TANC2: variants seen among roughly 807,000 people sequenced by gnomAD.
TANC2 encodes protein TANC2.
Under a neutral mutation model 210.5 loss-of-function variants are expected in TANC2, and 26 were observed. The ratio of observed to expected loss-of-function variants is 0.12; its 90% confidence interval spans 0.09 to 0.17. TANC2 has a LOEUF of 0.17. TANC2 is among the 10% of genes least tolerant of loss of function. The pLI is 1.00. For synonymous variants in TANC2, 931 were observed against 967.1 expected, an observed-to-expected ratio of 0.96 and a Z score of 0.69; for missense variants, 2,129 against 2,608.9, an observed-to-expected ratio of 0.82 and a Z score of 4.01.
At chr17:63,235,764 TAAG>T (rs895027709) in intron 7 of TANC2, among the ~76,000 whole-genome samples, 1 of 132,262 alleles carries the variant, frequency 7.6e-6, no homozygotes, top group Admixed American at 6.9e-5. Context: ...ATTCAAAATA[TAAG>T]AAGAGAAAAT....
At chr17:63,061,801 C>G (rs1011508556) in intron 2 of TANC2, among the ~76,000 whole-genome samples, 1 of 151,994 alleles carries the variant, frequency 6.6e-6, no homozygotes, top group Non-Finnish European at 1.5e-5. Context: ...CCTTTTTAAT[C>G]CCTTTCTTCT....
At chr17:63,252,919 A>G (rs921388146) in intron 8 of TANC2, among the ~76,000 whole-genome samples, 10 of 152,094 alleles carry the variant, frequency 6.6e-5, no homozygotes, top group Non-Finnish European at 1.3e-4. Flanking sequence ...AATCTTGGCT[A>G]TCCTGAATAG....
In TANC2 at chr17:63,412,698, G is replaced by A. The variant is rs2147351250; in HGVS notation, c.3917G>A (p.Ser1306Asn). ...TTTGAAGGTTGTCAGACGTTACCGA[G>A]TCGCCCACGAGGTATATTTCACCGC... Residue 1306 changes from serine to asparagine, a missense_variant, in exon 24 of 28, where the codon AGT (serine) becomes AAT (asparagine). Ser to Asn is a conservative substitution (Grantham distance 46). Coordinates refer to ENST00000689528, the Ensembl canonical transcript of TANC2. This position sits in a 1 kb window ranked among gnomAD's most constrained non-coding sequence, Gnocchi z 4.2. 6.5e-7 allele frequency: 1 copy of A among 1,534,334 alleles called. No homozygotes were observed. The highest frequency in any genetic ancestry group is 1.4e-5 in the African/African-American group (1 of 72,410).
At chr17:63,025,366 T>A (rs1385242410) in intron 2 of TANC2, among the ~76,000 whole-genome samples, 1 of 152,210 alleles carries the variant, frequency 6.6e-6, no homozygotes, top group East Asian at 1.9e-4. Flanking sequence ...GGACGCCTTC[T>A]TCATTTTTAC....
At chr17:63,337,423 C>CT (rs147507381) in intron 11 of TANC2, among the ~76,000 whole-genome samples, 4,841 of 151,986 alleles carry the variant, frequency 0.032, 300 homozygotes, top group African/African-American at 0.11. Flanking sequence ...ATCTTGAACT[C>CT]TATTAATTCT....
intron 15 of TANC2, among the ~76,000 whole-genome samples, chr17:63,383,833 C>T (rs906439802): frequency 2.0e-5 from 3 of 152,160 alleles, no homozygotes; most frequent in Admixed American, 6.5e-5. Flanking sequence ...CCGGCAGCGA[C>T]TGATCAGTAG....
At chr17:63,238,060 G>C in exon 8 of TANC2, 1 of 1,534,700 alleles carries the variant, frequency 6.5e-7, no homozygotes, top group East Asian at 2.5e-5. Context: ...CTCATGCCAC[G>C]GCCAAATTCA....
chr17:63,412,597 C>G lies in TANC2; in HGVS notation c.3899-83C>G. 7.4e-7 allele frequency: 1 copy of G among 1,356,124 alleles called. No homozygotes were observed. The highest frequency in any genetic ancestry group is 2.5e-5 in the East Asian group (1 of 40,034). The allele number at this position is 1,356,124 out of a possible 1,614,324, so 84.0% of individuals were successfully genotyped here. On this transcript the variant is annotated intron_variant, in intron 23 of 27. Coordinates refer to ENST00000689528, the Ensembl canonical transcript of TANC2. This position sits in a 1 kb window ranked among gnomAD's most constrained non-coding sequence, Gnocchi z 4.2. ...TTGTGCTGCCTGCCTCTCACTGCTG[C>G]TTTTTCCTTCTTTTTTTTTTTTTCA...
At chr17:63,099,319 C>T in exon 4 of TANC2, 1 of 1,555,474 alleles carries the variant, frequency 6.4e-7, no homozygotes, top group Non-Finnish European at 8.7e-7. Flanking sequence ...ACACATCAGT[C>T]TATCAGTGTT....
chr17:63,334,859 C>T (rs1460605257), intron 11 of TANC2, among the ~76,000 whole-genome samples: 2 of 152,172 alleles, frequency 1.3e-5, no homozygotes, highest in East Asian at 3.9e-4. Context: ...ATGAGCATGG[C>T]ATGTGTCCAG....
intron 2 of TANC2, among the ~76,000 whole-genome samples, chr17:63,015,605 A>C (rs2143915972): frequency 6.6e-6 from 1 of 152,172 alleles, no homozygotes; most frequent in East Asian, 1.9e-4. Flanking sequence ...TGCTTGAAAT[A>C]AGATAAATTT....
intron 9 of TANC2, among the ~76,000 whole-genome samples, chr17:63,288,738 A>T (rs1022305801): frequency 8.7e-5 from 13 of 149,768 alleles, no homozygotes; most frequent in African/African-American, 2.7e-4. Flanking sequence ...AATTCAGAAT[A>T]AAAAAAAAAT....
intron 8 of TANC2, among the ~76,000 whole-genome samples, chr17:63,253,470 T>C (rs141887839): frequency 3.4e-4 from 52 of 152,350 alleles, no homozygotes; most frequent in Admixed American, 1.2e-3. Context: ...TCATTTTTGT[T>C]TGGGCTGCCT....
intron 12 of TANC2, among the ~76,000 whole-genome samples, chr17:63,342,573 A>C (rs935268369): frequency 6.6e-6 from 1 of 152,080 alleles, no homozygotes; most frequent in African/African-American, 2.4e-5. Context: ...TCAGGAGATC[A>C]AGACCATCCT....
chr17:63,044,214 AATATATAGACCAG>A (rs1274125565), intron 2 of TANC2, among the ~76,000 whole-genome samples: 2 of 152,300 alleles, frequency 1.3e-5, no homozygotes, highest in East Asian at 3.9e-4. Context: ...AGATATAGAT[AATATATAGACCAG>A]ACAGATTTAG....
intron 2 of TANC2, among the ~76,000 whole-genome samples, chr17:63,041,919 G>A (rs952490358): frequency 1.3e-5 from 2 of 152,070 alleles, no homozygotes; most frequent in African/African-American, 4.8e-5. Context: ...GCTTGGTGAG[G>A]GCACATTGTT....
chr17:63,170,737 GT>G (rs2040376755), intron 5 of TANC2, among the ~76,000 whole-genome samples: 1 of 152,110 alleles, frequency 6.6e-6, no homozygotes, highest in Admixed American at 6.6e-5. Flanking sequence ...AATCGAAATG[GT>G]ATTATTAACC....
At chr17:63,151,884 G>A (rs1025657806) in intron 5 of TANC2, 22 of 152,108 alleles carry the variant, frequency 1.4e-4, no homozygotes, top group African/African-American at 5.3e-4. Flanking sequence ...ATAGGTTTCC[G>A]AGATGGACTC....
chr17:63,108,439 C>T (rs917406778), intron 4 of TANC2, among the ~76,000 whole-genome samples: 4 of 151,704 alleles, frequency 2.6e-5, no homozygotes, highest in Non-Finnish European at 4.4e-5. Context: ...TTAATTCAGC[C>T]GAGTGTAGAA....
Sources: gnomAD v4.1 joint callset for allele counts (sites outside exome capture counted in the v4.1 genomes callset) on GRCh38, gnomAD v4.1.1 for gene constraint, Gnocchi (gnomAD v3.1) non-coding constraint, MANE v1.5 for transcripts, NCBI Gene and HGNC (gene_info 2026-07-23, HGNC 2026-07-21) for gene names.